DLG5: variants seen among roughly 807,000 people sequenced by gnomAD.
DLG5 encodes the protein discs large MAGUK scaffold protein 5.
DLG5 carries 48 observed loss-of-function variants against 189.8 expected under a neutral mutation model. The observed-to-expected ratio is 0.25, with a 90% CI of 0.20 to 0.32. The LOEUF (loss-of-function observed/expected upper bound fraction) is 0.32, where lower values mean the gene tolerates loss of function less well. Among genes scored for constraint, DLG5 ranks in the 10% least tolerant of loss-of-function variants. The pLI, the probability that DLG5 is intolerant of heterozygous loss-of-function variation, is 1.00. For missense variants in DLG5, 2,160 were observed against 2,544.7 expected, an observed-to-expected ratio of 0.85 and a Z score of 3.25; for synonymous variants, 1,016 against 1,054.1, an observed-to-expected ratio of 0.96 and a Z score of 0.70.
At chr10:77,879,120 G>T (rs1845195640) in intron 1 of DLG5, among the ~76,000 whole-genome samples, 1 of 152,162 alleles carries the variant, frequency 6.6e-6, no homozygotes, top group Non-Finnish European at 1.5e-5. Flanking sequence ...AAATGTTGCA[G>T]AGTTAAATGG....
chr10:77,930,635 C>T (rs1846778094), upstream of DLG5, among the ~76,000 whole-genome samples: 2 of 150,484 alleles, frequency 1.3e-5, no homozygotes, highest in African/African-American at 4.9e-5. Flanking sequence ...AGGCATGAGC[C>T]ACCAAGCCCA....
At chr10:77,913,598 A>G (rs1449110124) in intron 1 of DLG5, among the ~76,000 whole-genome samples, 2 of 151,780 alleles carry the variant, frequency 1.3e-5, no homozygotes, top group African/African-American at 2.4e-5. Context: ...TTCATTTTTT[A>G]CTTTTTTAGA....
At chr10:77,792,634 G>T in intron 31 of DLG5, 91 bp from the exon 32 acceptor site, 2 of 1,194,844 alleles carry the variant, frequency 1.7e-6, no homozygotes, top group South Asian at 1.2e-5. Flanking sequence ...TTTCTACTGT[G>T]TGGCTGTCTG....
At chr10:77,800,678 A>G (rs1025026605) in intron 27 of DLG5, among the ~76,000 whole-genome samples, 4 of 152,360 alleles carry the variant, frequency 2.6e-5, no homozygotes, top group African/African-American at 9.6e-5. Flanking sequence ...AGAGGAAGGG[A>G]AGGGCAAAGA....
At chr10:77,914,921 CT>C (rs1225942488) in intron 1 of DLG5, among the ~76,000 whole-genome samples, 3 of 152,188 alleles carry the variant, frequency 2.0e-5, no homozygotes, top group Admixed American at 2.0e-4. Context: ...CAAAACCAGG[CT>C]TCATTCTTGG....
At chr10:77,825,374 CCACACACACACACACACACACACA>C (rs59102694) in intron 13 of DLG5, among the ~76,000 whole-genome samples, 1 of 130,816 alleles carries the variant, frequency 7.6e-6, no homozygotes, top group Non-Finnish European at 1.6e-5. Context: ...CCACACACAA[CCACACACACACACACACACACACA>C]CACACACACA....
In DLG5 at chr10:77,819,968, C is replaced by T; in HGVS notation, c.3453G>A (p.Glu1151=). Residue 1151 remains glutamate (E), a synonymous_variant, in exon 16 of 32, where the codon GAG becomes GAA. Coordinates refer to ENST00000372391, the MANE Select transcript of DLG5 (RefSeq NM_004747.4). ...AATGCCCAGGCGAGTAAGGTGCCCACTCCTGGAGCTCCGGGGAGAGTTCTC... is the reference window on the plus strand; with the variant it reads ...AATGCCCAGGCGAGTAAGGTGCCCATTCCTGGAGCTCCGGGGAGAGTTCTC... ...ASGELSPELQ[E]WAPYSPGHSS... The T allele has an allele frequency of 6.8e-6, 11 of 1,612,996 alleles. No individual in the cohort carries two copies. Among genetic ancestry groups the T allele is most frequent in the Middle Eastern group, 1.7e-4 (1 of 6,058 alleles).
chr10:77,853,118 G>A (rs978071326), intron 5 of DLG5, among the ~76,000 whole-genome samples: 6 of 151,962 alleles, frequency 3.9e-5, no homozygotes, highest in African/African-American at 1.5e-4. Context: ...GAGTAGCTAG[G>A]ACTACAGGTG....
intron 1 of DLG5, among the ~76,000 whole-genome samples, chr10:77,920,190 T>C (rs986217693): frequency 1.6e-4 from 25 of 152,228 alleles, no homozygotes; most frequent in African/African-American, 6.0e-4. Context: ...GCCACTGTTG[T>C]GCTATATTAC....
chr10:77,876,412 T>C (rs1421018632), intron 1 of DLG5, among the ~76,000 whole-genome samples: 1 of 150,532 alleles, frequency 6.6e-6, no homozygotes, highest in Non-Finnish European at 1.5e-5. Flanking sequence ...TCTCACTCTG[T>C]TGCCCAGGCT....
intron 17 of DLG5, among the ~76,000 whole-genome samples, chr10:77,818,433 A>G (rs139209500): frequency 6.0e-4 from 91 of 152,312 alleles, no homozygotes; most frequent in African/African-American, 2.1e-3. Context: ...AGTGGTCTCC[A>G]CTGTCCTTAG....
At chr10:77,825,097 C>T (rs148260891) in intron 13 of DLG5, among the ~76,000 whole-genome samples, 4 of 152,172 alleles carry the variant, frequency 2.6e-5, no homozygotes, top group Admixed American at 6.5e-5. Flanking sequence ...AGCCAGCACA[C>T]GCAGCCTCTT....
intron 15 of DLG5, chr10:77,820,272 G>A: frequency 2.4e-6 from 1 of 422,872 alleles, no homozygotes; most frequent in Non-Finnish European, 4.3e-6. Flanking sequence ...CTTGAACTCG[G>A]GAGGCAGAAG....
chr10:77,903,763 C>G (rs1208467068), intron 1 of DLG5, among the ~76,000 whole-genome samples: 1 of 152,102 alleles, frequency 6.6e-6, no homozygotes, highest in African/African-American at 2.4e-5. Flanking sequence ...ATTCCAAAAT[C>G]CAAAAATAAT....
Position 77,819,342 on chromosome 10 carries a change from C to A in DLG5, c.3650G>T (p.Gly1217Val). 6.2e-7 allele frequency: 1 copy of A among 1,614,006 alleles called. No homozygotes were observed. Among genetic ancestry groups the A allele is most frequent in the Non-Finnish European group, 8.5e-7 (1 of 1,179,998 alleles). ...CSSPPAARDA[G>V]PQGLHPSVQH... Reference sequence around the variant, plus strand: ...ATACCTGGGATGCAAACCCTGGGGGCCAGCATCTCGGGCCGCAGGTGGAGA... The same window carrying A: ...ATACCTGGGATGCAAACCCTGGGGGACAGCATCTCGGGCCGCAGGTGGAGA... Residue 1217 changes from glycine to valine, a missense_variant, in exon 17 of 32, where the codon GGC (glycine) becomes GTC (valine). By Grantham distance (109) the Gly-to-Val change is moderately radical. Coordinates refer to ENST00000372391, the MANE Select transcript of DLG5 (RefSeq NM_004747.4).
In DLG5 at chr10:77,843,682, C is replaced by G; in HGVS notation, c.889G>C (p.Glu297Gln). ...GTGTCATACAGTTTGTTGAGAATCT[C>G]GGATGACCCGTTGTGCTTCAACACC... The part of the protein sequence containing the change: ...QQVLKHNGSS[E>Q]ILNKLYDTAM... The change falls in exon 6 of 32, where the codon GAG (glutamate) becomes CAG (glutamine). Residue 297 changes from glutamate (E) to glutamine (Q), a missense_variant. Physicochemically the swap from Glu to Gln is conservative, Grantham distance 29. This residue lies in a region of DLG5 where 664 missense variants were observed against 838.5 expected (regional missense o/e 0.79). Coordinates refer to ENST00000372391, the MANE Select transcript of DLG5 (RefSeq NM_004747.4). 6.2e-7 allele frequency: 1 copy of G among 1,614,056 alleles called. No homozygotes were observed. Among genetic ancestry groups the G allele is most frequent in the South Asian group, 1.1e-5 (1 of 91,060 alleles).
chr10:77,934,507 G>T, the DLG5 span, among the ~76,000 whole-genome samples: 1 of 152,298 alleles, frequency 6.6e-6, no homozygotes, highest in South Asian at 2.1e-4. Context: ...TCCACCTGGA[G>T]GCAGTAGAAA....
At chr10:77,793,826 A>T in intron 31 of DLG5, 182 bp downstream of exon 31, 1 of 612,180 alleles carries the variant, frequency 1.6e-6, no homozygotes, top group Non-Finnish European at 2.9e-6. Context: ...TTCAACCTGT[A>T]AGAATCCTGA....
rs140638176 is a variant in DLG5 at position 77,817,683 on chromosome 10, TG to T, written c.3784+93del. 3.1e-3 allele frequency: 3,503 copies of T among 1,115,472 alleles called. 72 individuals are homozygous for T. In the African/African-American group the frequency reaches 0.049, roughly 16 times the overall value. 69.1% of individuals were successfully genotyped at this position (1,115,472 alleles called of 1,614,324 possible). ...TCCCAGGAGGTGACAGGAGCTCGTG[TG>T]GGGAGCCCACCCGCAGATCTGGACA... On this transcript the variant is annotated intron_variant, in intron 18 of 31. Coordinates refer to ENST00000372391, the MANE Select transcript of DLG5 (RefSeq NM_004747.4).
Sources: gnomAD v4.1 joint callset for allele counts (sites outside exome capture counted in the v4.1 genomes callset) on GRCh38, gnomAD v4.1.1 for gene constraint, gnomAD v4.1.1 regional missense constraint, MANE v1.5 for transcripts, NCBI Gene and HGNC (gene_info 2026-07-23, HGNC 2026-07-21) for gene names.